The following SNRNP200 variants were observed in gnomAD, a reference collection of about 807,000 sequenced individuals.
SNRNP200 encodes U5 small nuclear ribonucleoprotein 200 kDa helicase.
In SNRNP200, 66 loss-of-function variants were observed where a neutral mutation model predicts 255.2. The ratio of observed to expected loss-of-function variants is 0.26; its 90% confidence interval spans 0.21 to 0.32. The LOEUF (loss-of-function observed/expected upper bound fraction) is 0.32, where lower values mean the gene tolerates loss of function less well. SNRNP200 is among the 10% of genes least tolerant of loss of function. The pLI is 1.00. For missense variants in SNRNP200, 1,585 were observed against 2,749.8 expected (o/e 0.58, Z 9.47); for synonymous variants, 939 against 1,027.8 (o/e 0.91, Z 1.65).
chr2:96,276,244 T>C (rs1684656035), intron 43 of SNRNP200, among the ~76,000 whole-genome samples: 1 of 152,024 alleles, frequency 6.6e-6, no homozygotes, highest in African/African-American at 2.4e-5. Flanking sequence ...TTCTTTCTGG[T>C]GGTAAAAAAC....
At chr2:96,282,000 G>A (rs1387269144) in intron 34 of SNRNP200, 78 bp from the exon 35 acceptor site, 36 of 1,097,014 alleles carry the variant, frequency 3.3e-5, no homozygotes, top group Admixed American at 2.7e-4. Context: ...TGGGCAGGCC[G>A]TGGCTTACCC....
chr2:96,297,979 AG>A (rs1467510238), intron 9 of SNRNP200, among the ~76,000 whole-genome samples: 1 of 152,222 alleles, frequency 6.6e-6, no homozygotes. Flanking sequence ...GAGGGGTCGA[AG>A]GGTGGGTTCC....
rs2063911330 is a variant in SNRNP200 at position 96,295,520 on chromosome 2, T to C, written c.1810A>G (p.Thr604Ala). 1 of 1,613,092 alleles carries C rather than the reference T, an allele frequency of 6.2e-7. No homozygotes were observed. ...DIITRKGGER[T>A]YTQLVRLIIL... Reference sequence around the variant, plus strand: ...ATGAGCCGCACCAGCTGGGTGTAGGTGCGCTCACCACCCTTGCGGGTGATG... The same window carrying C: ...ATGAGCCGCACCAGCTGGGTGTAGGCGCGCTCACCACCCTTGCGGGTGATG... The change falls in exon 14 of 45, where the codon ACC (threonine) becomes GCC (alanine). Residue 604 changes from threonine (T) to alanine (A), a missense_variant. Transcript: ENST00000323853.
intron 43 of SNRNP200, 41 bp downstream of exon 43, chr2:96,276,863 G>T: frequency 6.3e-7 from 1 of 1,590,206 alleles, no homozygotes; most frequent in Non-Finnish European, 8.6e-7. Context: ...CCAATGGATA[G>T]GGTGAGTTGA....
rs2063975889 is a variant in SNRNP200, at chr2:96,304,695, TG to T, written c.209+9del. ...TCTGAAGGAAAAAATAGTATCCCCT[TG>T]GCACTCACTTGGCTCTTCTTTCCTC... On this transcript the variant is annotated intron_variant, in intron 2 of 44. Transcript: ENST00000323853. 6.2e-7 allele frequency: 1 copy of T among 1,614,018 alleles called. No homozygotes were observed.
chr2:96,298,474 A>G, intron 8 of SNRNP200, 54 bp from the exon 9 acceptor site: 2 of 1,613,032 alleles, frequency 1.2e-6, no homozygotes, highest in Non-Finnish European at 1.7e-6. Context: ...AAGGCAAAAA[A>G]CCATCCTCAG....
Position 96,277,511 on chromosome 2 carries a change from C to A in SNRNP200, c.5931+28G>T, listed in dbSNP as rs373609457. On this transcript the variant is annotated intron_variant, in intron 41 of 44. Transcript: ENST00000323853. The surrounding 1 kb of genome is among the most constrained non-coding windows in gnomAD (Gnocchi z 4.4). Reference sequence around the variant, plus strand: ...AACACTGGGCTCTCAGGCTCACCCACCTGACCCTCTAGGCTGACCCGGCTC... The same window carrying A: ...AACACTGGGCTCTCAGGCTCACCCAACTGACCCTCTAGGCTGACCCGGCTC... 257 of 1,611,594 alleles carry A rather than the reference C, an allele frequency of 1.6e-4. No homozygotes were observed. Among genetic ancestry groups the A allele is most frequent in the Non-Finnish European group, 2.0e-4 (241 of 1,179,572 alleles).
In SNRNP200 at chr2:96,291,109, G is replaced by A. The variant is rs550296991; in HGVS notation, c.2421+283C>T. 3.3e-5 allele frequency among the ~76,000 whole-genome samples: 5 copies of A among 152,216 alleles called. No individual in the cohort carries two copies. In the East Asian group the frequency reaches 5.8e-4, roughly 18 times the overall value. On this transcript the variant is annotated intron_variant, in intron 18 of 44. Coordinates refer to ENST00000323853, the MANE Select transcript of SNRNP200 (RefSeq NM_014014.5). The surrounding 1 kb of genome is among the most constrained non-coding windows in gnomAD (Gnocchi z 4.2). ...CAGAGCCTATCCGGAAAGAGGGAAC[G>A]ACAAGGGCACGCGTGCCCCCATGAG...
At position 96,290,012 on chromosome 2, in the gene SNRNP200, C is replaced by T. The variant is rs1287482873; in HGVS notation, c.2743-16G>A. ...TCACCGCATCCTACAAGACACAGCT[C>T]ATGGTTCTTAGCATGGAGAAACTCT... On this transcript the variant is annotated splice_polypyrimidine_tract_variant and intron_variant, in intron 20 of 44. Coordinates refer to ENST00000323853, the MANE Select transcript of SNRNP200 (RefSeq NM_014014.5). The surrounding 1 kb of genome is among the most constrained non-coding windows in gnomAD (Gnocchi z 4.5). 3.1e-6 allele frequency: 5 copies of T among 1,613,340 alleles called. No homozygotes were observed. The highest frequency in any genetic ancestry group is 4.2e-6 in the Non-Finnish European group (5 of 1,179,308).
In SNRNP200 at chr2:96,288,756, A is replaced by T. The variant is rs375857652; in HGVS notation, c.3175-10T>A. On this transcript the variant is annotated splice_polypyrimidine_tract_variant and intron_variant, in intron 23 of 44. Transcript: ENST00000323853. ...GCAGAAGAACGTTGATCTGTAAAGAAGCAAAATCAGCCAGCAGGAGACCAA... is the reference window on the plus strand; with the variant it reads ...GCAGAAGAACGTTGATCTGTAAAGATGCAAAATCAGCCAGCAGGAGACCAA... 2.5e-6 allele frequency: 4 copies of T among 1,612,442 alleles called. No individual in the cohort carries two copies. The African/African-American group carries it at 5.3e-5, about 21-fold the overall frequency.
At chr2:96,293,199 ACAC>A in intron 15 of SNRNP200, 104 bp from the exon 16 acceptor site, 7 of 1,573,916 alleles carry the variant, frequency 4.4e-6, no homozygotes, top group South Asian at 1.1e-5. Context: ...TTTATGATTC[ACAC>A]CACATCAAAA....
In SNRNP200 at chr2:96,277,088, T is replaced by C; in HGVS notation, c.6085A>G (p.Ile2029Val). 6.2e-7 allele frequency: 1 copy of C among 1,614,246 alleles called. No homozygotes were observed. ...LSYEVVDKDS[I>V]RSGGPVVVLV... ...GCACCACCTCTGGCTCACCTGCGGATGCTGTCCTTATCTACCACCTCATAA... is the reference window on the plus strand; with the variant it reads ...GCACCACCTCTGGCTCACCTGCGGACGCTGTCCTTATCTACCACCTCATAA... Residue 2029 changes from isoleucine (I) to valine (V), a missense_variant, in exon 42 of 45, where the codon ATC becomes GTC. Around this residue, in one of 9 missense-constraint regions of SNRNP200, gnomAD observed 279 missense variants for 551.2 expected, o/e 0.51. Transcript: ENST00000323853. The surrounding 1 kb of genome is among the most constrained non-coding windows in gnomAD (Gnocchi z 4.4).
At chr2:96,281,575 T>C in intron 35 of SNRNP200, 1 of 511,362 alleles carries the variant, frequency 2.0e-6, no homozygotes, top group Non-Finnish European at 3.6e-6. Context: ...CAAACATTCC[T>C]CCTGGCTCTA....
intron 43 of SNRNP200, 77 bp from the exon 44 acceptor site, chr2:96,275,426 C>T: frequency 8.1e-7 from 1 of 1,235,170 alleles, no homozygotes; most frequent in Non-Finnish European, 1.2e-6. Context: ...GGTACAGTTA[C>T]AAAAGAGAGA....
intron 43 of SNRNP200, chr2:96,276,456 C>A: frequency 6.3e-6 from 1 of 159,588 alleles, no homozygotes; most frequent in African/African-American, 2.5e-5. Context: ...TGAAGTCTCA[C>A]ACTCGCCTGG....
Position 96,283,280 on chromosome 2 carries a change from C to T in SNRNP200, c.4836G>A (p.Thr1612=), listed in dbSNP as rs1428606912. The change falls in exon 34 of 45, where the codon ACG becomes ACA. Residue 1612 remains threonine, a synonymous_variant. Coordinates refer to ENST00000323853, the MANE Select transcript of SNRNP200 (RefSeq NM_014014.5). The surrounding 1 kb of genome is among the most constrained non-coding windows in gnomAD (Gnocchi z 4.7). ...EKLSDSTLKE[T]LLNGVGYLHE... ...GCAGGTAGCCCACCCCATTTAGCAG[C>T]GTTTCCTTGAGCGTGCTGTCACTTA... is the stretch of plus-strand genomic sequence containing the variant. The T allele has an allele frequency of 5.6e-6, 9 of 1,614,138 alleles. No homozygotes were observed. The highest frequency in any genetic ancestry group is 2.2e-5 in the East Asian group (1 of 44,884).
chr2:96,295,440 C>G, intron 14 of SNRNP200, 48 bp downstream of exon 14: 1 of 1,608,720 alleles, frequency 6.2e-7, no homozygotes, highest in Non-Finnish European at 8.5e-7. Context: ...CCAGCAAACC[C>G]GCCCTGACAC....
chr2:96,282,392 A>C (rs2063807796), intron 34 of SNRNP200: 1 of 191,914 alleles, frequency 5.2e-6, no homozygotes, highest in South Asian at 1.0e-4. Flanking sequence ...AAATCTTTGC[A>C]CAAAATGCCA....
chr2:96,292,922 A>C (rs2063892575), intron 16 of SNRNP200, 50 bp downstream of exon 16: 1 of 1,605,126 alleles, frequency 6.2e-7, no homozygotes, highest in Admixed American at 1.7e-5. Flanking sequence ...TTGGTGAATC[A>C]AACATTCGAA....
Sources: allele counts gnomAD v4.1 joint callset (sites outside exome capture counted in the v4.1 genomes callset), GRCh38; gene constraint gnomAD v4.1.1; regional missense constraint gnomAD v4.1.1; non-coding constraint Gnocchi (gnomAD v3.1); transcripts MANE v1.5; gene names NCBI Gene and HGNC (gene_info 2026-07-23, HGNC 2026-07-21).